WWP2: variants seen among roughly 807,000 people sequenced by gnomAD.
WWP2 encodes the protein WW domain containing E3 ubiquitin protein ligase 2.
A neutral mutation model predicts 121.0 loss-of-function variants in WWP2; 57 were observed. The observed-to-expected ratio is 0.47, with a 90% CI of 0.38 to 0.59. The LOEUF is 0.59. Among genes scored for constraint, WWP2 ranks in the 20% least tolerant of loss-of-function variants. WWP2 has a pLI of 0.00. For missense variants in WWP2, 962 were observed against 1,158.9 expected, an observed-to-expected ratio of 0.83 and a Z score of 2.47; for synonymous variants, 449 against 441.3, an observed-to-expected ratio of 1.02 and a Z score of -0.22.
chr16:69,863,169 T>C (rs544479062), intron 6 of WWP2, among the ~76,000 whole-genome samples: 1 of 152,304 alleles, frequency 6.6e-6, no homozygotes, highest in East Asian at 1.9e-4. Flanking sequence ...TTTTTGACCA[T>C]ACCCTCACGC....
chr16:69,824,972 T>C (rs181838629), intron 4 of WWP2, among the ~76,000 whole-genome samples: 68 of 152,156 alleles, frequency 4.5e-4, no homozygotes, highest in Admixed American at 5.2e-4. Flanking sequence ...GGTTTCACTT[T>C]GTTGGCCAGG....
chr16:69,929,747 G>A (rs1228447987), intron 12 of WWP2, among the ~76,000 whole-genome samples: 1 of 152,210 alleles, frequency 6.6e-6, no homozygotes, highest in Non-Finnish European at 1.5e-5. Context: ...TGGATGGAGG[G>A]CGGCCCGGCT....
At chr16:69,874,803 T>G (rs1218555468) in intron 7 of WWP2, among the ~76,000 whole-genome samples, 1 of 152,212 alleles carries the variant, frequency 6.6e-6, no homozygotes, top group Non-Finnish European at 1.5e-5. Flanking sequence ...ATTCCGATTC[T>G]TCATCTTTAA....
intron 4 of WWP2, among the ~76,000 whole-genome samples, chr16:69,819,492 A>G (rs1307478018): frequency 1.3e-5 from 2 of 152,094 alleles, no homozygotes; most frequent in Admixed American, 1.3e-4. Flanking sequence ...CTGGCCTTAA[A>G]TCTCTCCTGA....
chr16:69,854,654 A>G (rs2057277198), intron 6 of WWP2, among the ~76,000 whole-genome samples: 1 of 152,016 alleles, frequency 6.6e-6, no homozygotes, highest in Non-Finnish European at 1.5e-5. Flanking sequence ...GGGTTCAAGC[A>G]GTTCTCATGC....
chr16:69,911,243 C>T (rs934709589), intron 9 of WWP2, among the ~76,000 whole-genome samples: 3 of 152,106 alleles, frequency 2.0e-5, no homozygotes, highest in African/African-American at 2.4e-5. Flanking sequence ...TCCTTCTATC[C>T]GGGAGCAATA....
intron 9 of WWP2, among the ~76,000 whole-genome samples, chr16:69,914,050 C>T (rs189784527): frequency 9.7e-4 from 107 of 110,754 alleles, no homozygotes; most frequent in African/African-American, 3.5e-3. Flanking sequence ...CCAGCCTGGG[C>T]GACAGAGCGA....
chr16:69,783,493 G>A (rs2055709426), intron 1 of WWP2, among the ~76,000 whole-genome samples: 1 of 151,934 alleles, frequency 6.6e-6, no homozygotes, highest in Admixed American at 6.6e-5. Context: ...CCATGATTAT[G>A]CCTGTGAGTA....
At chr16:69,865,261 G>T (rs574260374) in intron 6 of WWP2, among the ~76,000 whole-genome samples, 1 of 151,740 alleles carries the variant, frequency 6.6e-6, no homozygotes, top group South Asian at 2.1e-4. Flanking sequence ...TGTTGCCCAG[G>T]CTGGTCTCGA....
At chr16:69,772,662 G>T (rs2055442173) in intron 1 of WWP2, among the ~76,000 whole-genome samples, 1 of 152,126 alleles carries the variant, frequency 6.6e-6, no homozygotes, top group Admixed American at 6.6e-5. Flanking sequence ...TAGAAAAGTG[G>T]TAACTTCTGG....
intron 9 of WWP2, among the ~76,000 whole-genome samples, chr16:69,914,984 G>A (rs1409253465): frequency 5.9e-5 from 9 of 152,132 alleles, no homozygotes; most frequent in Admixed American, 2.6e-4. Context: ...ACTTAACCCC[G>A]AGGCCATGGA....
intron 7 of WWP2, among the ~76,000 whole-genome samples, chr16:69,878,227 T>A (rs1166681372): frequency 6.6e-6 from 1 of 151,888 alleles, no homozygotes; most frequent in African/African-American, 2.4e-5. Flanking sequence ...TAACGAAAAA[T>A]TTTAAGTTGG....
chr16:69,929,439 A>G lies in WWP2; in HGVS notation c.1235-9A>G, dbSNP rs1395845018. ...AATCTGATGTTCTTTCTTTCTTCTCATGTGGCAGAGAAGAGACAGGACAAT... is the reference window on the plus strand; with the variant it reads ...AATCTGATGTTCTTTCTTTCTTCTCGTGTGGCAGAGAAGAGACAGGACAAT... On this transcript the variant is annotated splice_polypyrimidine_tract_variant and intron_variant, in intron 11 of 23. Coordinates refer to ENST00000359154, the MANE Select transcript of WWP2 (RefSeq NM_001270454.2). 13 of 1,611,892 alleles carry G rather than the reference A, an allele frequency of 8.1e-6. No homozygotes were observed. Among genetic ancestry groups the G allele is most frequent in the African/African-American group, 1.3e-5 (1 of 74,974 alleles).
intron 6 of WWP2, among the ~76,000 whole-genome samples, chr16:69,859,753 C>A (rs1191389243): frequency 6.6e-6 from 1 of 151,606 alleles, no homozygotes; most frequent in Non-Finnish European, 1.5e-5. Flanking sequence ...AAAGGAGTGT[C>A]AGATCTCCCT....
chr16:69,806,934 TTTTATTTA>T (rs745755357), intron 4 of WWP2, among the ~76,000 whole-genome samples: 1 of 148,508 alleles, frequency 6.7e-6, no homozygotes, highest in Non-Finnish European at 1.5e-5. Context: ...CCTAGATCTG[TTTTATTTA>T]TTTATTTATT....
chr16:69,917,659 G>A, intron 9 of WWP2, 50 bp from the exon 10 acceptor site: 1 of 1,578,644 alleles, frequency 6.3e-7, no homozygotes, highest in Non-Finnish European at 8.7e-7. Context: ...TAGAATTGGG[G>A]GATGGGAGTG....
At chr16:69,825,254 G>T (rs1345424810) in intron 4 of WWP2, among the ~76,000 whole-genome samples, 1 of 151,444 alleles carries the variant, frequency 6.6e-6, no homozygotes, top group Non-Finnish European at 1.5e-5. Flanking sequence ...GTGAAACCCC[G>T]TCTCTACTAA....
chr16:69,940,643 A>G lies in WWP2; in HGVS notation c.*703A>G, dbSNP rs3748387. ...TATAAACTTGAAGTGGTTGTGTTGT[A>G]GGGTTGCAGGTTTTTTGTTACGCTG... On this transcript the variant is annotated 3_prime_UTR_variant, in exon 24 of 24. Transcript: ENST00000359154. 0.41 allele frequency: 61,812 copies of G among 152,176 alleles called. 13,452 individuals are homozygous for G. The highest frequency in any genetic ancestry group is 0.88 in the East Asian group (4,528 of 5,174). The allele number at this position is 152,176 out of a possible 1,614,324, so 9.4% of individuals were successfully genotyped here.
At position 69,937,715 on chromosome 16, in the gene WWP2, T is replaced by G; in HGVS notation, c.2343+63T>G. The G allele has an allele frequency of 6.5e-7, 1 of 1,537,812 alleles. No homozygotes were observed. Among genetic ancestry groups the G allele is most frequent in the Non-Finnish European group, 9.0e-7 (1 of 1,116,940 alleles). Reference sequence around the variant, plus strand: ...GCCATCAACCAAAGGAAACGGGTCCTGAGGAGGCCTCACGCGCAAGGACCT... The same window carrying G: ...GCCATCAACCAAAGGAAACGGGTCCGGAGGAGGCCTCACGCGCAAGGACCT... On this transcript the variant is annotated intron_variant, in intron 21 of 23. Transcript: ENST00000359154. The surrounding 1 kb of genome is among the most constrained non-coding windows in gnomAD (Gnocchi z 6.6).
Sources: gnomAD v4.1 joint callset for allele counts (sites outside exome capture counted in the v4.1 genomes callset) on GRCh38, gnomAD v4.1.1 for gene constraint, Gnocchi (gnomAD v3.1) non-coding constraint, MANE v1.5 for transcripts, NCBI Gene and HGNC (gene_info 2026-07-23, HGNC 2026-07-21) for gene names.